MRPL47: variants seen among roughly 807,000 people sequenced by gnomAD.
The protein encoded by MRPL47 is large ribosomal subunit protein uL29m.
MRPL47 carries 31 observed loss-of-function variants against 34.0 expected under a neutral mutation model. The observed-to-expected ratio is 0.91, with a 90% CI of 0.68 to 1.23. The LOEUF (loss-of-function observed/expected upper bound fraction) is 1.23. Ranked by LOEUF, MRPL47 falls within the 50% of genes most tolerant of loss-of-function variation. The pLI, the probability that MRPL47 is intolerant of heterozygous loss-of-function variation, is 0.00. For missense variants in MRPL47, 328 were observed against 285.8 expected, an observed-to-expected ratio of 1.15 and a Z score of -1.07; for synonymous variants, 106 against 101.6, an observed-to-expected ratio of 1.04 and a Z score of -0.26.
At chr3:179,594,358 G>C (rs1434701078) in intron 4 of MRPL47, among the ~76,000 whole-genome samples, 1 of 152,212 alleles carries the variant, frequency 6.6e-6, no homozygotes, top group Non-Finnish European at 1.5e-5. Context: ...GAAAGGAATA[G>C]CAGTCCATCC....
intron 4 of MRPL47, among the ~76,000 whole-genome samples, chr3:179,595,018 C>A (rs1191032327): frequency 6.6e-6 from 1 of 152,136 alleles, no homozygotes; most frequent in Non-Finnish European, 1.5e-5. Flanking sequence ...ATGAAAGCCA[C>A]AAATTTAGAT....
At chr3:179,597,614 C>T (rs1718817388) in intron 4 of MRPL47, among the ~76,000 whole-genome samples, 1 of 152,092 alleles carries the variant, frequency 6.6e-6, no homozygotes, top group African/African-American at 2.4e-5. Context: ...CAAGACCAGC[C>T]TGGCCAACAT....
At chr3:179,594,300 T>G (rs1286547596) in intron 4 of MRPL47, among the ~76,000 whole-genome samples, 1 of 152,230 alleles carries the variant, frequency 6.6e-6, no homozygotes, top group Non-Finnish European at 1.5e-5. Context: ...GTCCTTGACA[T>G]GCAGACACAG....
intron 4 of MRPL47, among the ~76,000 whole-genome samples, chr3:179,595,485 G>C (rs1257335820): frequency 2.0e-5 from 3 of 152,148 alleles, no homozygotes; most frequent in Admixed American, 2.0e-4. Context: ...TGATGACTAA[G>C]ACAAATTCTA....
chr3:179,590,671 T>C lies in MRPL47; in HGVS notation c.630-1676A>G, dbSNP rs184659878. Reference sequence around the variant, plus strand: ...GTCCTGTAGACAAGAAGCTGTTGTATGTTTCTGAAAAGGCCTGATGTGATT... The same window carrying C: ...GTCCTGTAGACAAGAAGCTGTTGTACGTTTCTGAAAAGGCCTGATGTGATT... On this transcript the variant is annotated intron_variant, in intron 6 of 6. Transcript: ENST00000476781. 3.5e-3 allele frequency among the ~76,000 whole-genome samples: 535 copies of C among 150,872 alleles called. 4 individuals are homozygous for C. The highest frequency in any genetic ancestry group is 0.017 in the South Asian group (83 of 4,762).
chr3:179,604,389 C>T (rs983314468), intron 1 of MRPL47, 138 bp downstream of exon 1: 13 of 734,578 alleles, frequency 1.8e-5, no homozygotes, highest in Non-Finnish European at 2.7e-5. Context: ...GTCACTCACT[C>T]CTCACCAAAG....
chr3:179,590,696 TAAAA>T (rs1157157426), intron 6 of MRPL47, among the ~76,000 whole-genome samples: 2 of 129,082 alleles, frequency 1.5e-5, no homozygotes, highest in East Asian at 2.2e-4. Flanking sequence ...CTGATGTGAT[TAAAA>T]AAAAAAAAAA....
At chr3:179,596,085 T>C (rs1285274143) in intron 4 of MRPL47, among the ~76,000 whole-genome samples, 2 of 152,220 alleles carry the variant, frequency 1.3e-5, no homozygotes, top group Admixed American at 6.5e-5. Context: ...GAAGCACATA[T>C]AGTGAGGGTC....
chr3:179,595,896 C>T (rs1240027914), intron 4 of MRPL47, among the ~76,000 whole-genome samples: 2 of 152,198 alleles, frequency 1.3e-5, no homozygotes, highest in African/African-American at 4.8e-5. Context: ...CTTCTCTTTA[C>T]AGCCAAGAAT....
chr3:179,603,884 T>C (rs944334983), intron 1 of MRPL47, among the ~76,000 whole-genome samples: 2 of 151,904 alleles, frequency 1.3e-5, no homozygotes, highest in Non-Finnish European at 1.5e-5. Context: ...ACCAAAAATA[T>C]TTAGCCTAAA....
chr3:179,588,927 A>G lies in MRPL47; in HGVS notation c.698T>C (p.Ile233Thr). 6.2e-7 allele frequency: 1 copy of G among 1,613,742 alleles called. No individual in the cohort carries two copies. The highest frequency in any genetic ancestry group is 8.5e-7 in the Non-Finnish European group (1 of 1,179,814). Reference sequence around the variant, plus strand: ...AAGATGTGGAAACTTTTTTAAAAGAATTTTTGCTTTCTTTCTCTCTAAATT... The same window carrying G: ...AAGATGTGGAAACTTTTTTAAAAGAGTTTTTGCTTTCTTTCTCTCTAAATT... The part of the protein sequence containing the change: ...KENLERKKAK[I>T]LLKKFPHLAE... The change falls in exon 7 of 7, where the codon ATT becomes ACT. Residue 233 changes from isoleucine (I) to threonine (T), a missense_variant. Transcript: ENST00000476781.
intron 2 of MRPL47, among the ~76,000 whole-genome samples, chr3:179,602,402 A>G (rs1718946218): frequency 6.6e-6 from 1 of 152,068 alleles, no homozygotes; most frequent in South Asian, 2.1e-4. Flanking sequence ...AATAAGCCCT[A>G]AACCTTACTT....
At chr3:179,592,768 T>G (rs1170547766) in intron 5 of MRPL47, 29 bp from the exon 6 acceptor site, 1 of 1,432,554 alleles carries the variant, frequency 7.0e-7, no homozygotes, top group African/African-American at 1.4e-5. Flanking sequence ...GTTATTTGCC[T>G]TAAAGAAAAC....
At chr3:179,589,737 GATAACACGT>G (rs144278565) in intron 6 of MRPL47, among the ~76,000 whole-genome samples, 36 of 152,214 alleles carry the variant, frequency 2.4e-4, no homozygotes, top group South Asian at 4.2e-4. Context: ...AGAAAATTGA[GATAACACGT>G]ATTACAGCTG....
At chr3:179,594,246 C>T (rs1012196604) in intron 4 of MRPL47, among the ~76,000 whole-genome samples, 3 of 152,124 alleles carry the variant, frequency 2.0e-5, no homozygotes, top group African/African-American at 7.2e-5. Context: ...TTGCTATTTT[C>T]ATTATATTAA....
chr3:179,599,318 G>A (rs1336865096), intron 3 of MRPL47, among the ~76,000 whole-genome samples: 1 of 152,148 alleles, frequency 6.6e-6, no homozygotes, highest in East Asian at 1.9e-4. Flanking sequence ...GCTACAAAGA[G>A]GCATAAAACA....
chr3:179,600,747 G>A (rs1188985758), intron 3 of MRPL47, among the ~76,000 whole-genome samples: 2 of 152,146 alleles, frequency 1.3e-5, no homozygotes, highest in Non-Finnish European at 2.9e-5. Context: ...GCCGAGAAGT[G>A]GTGTGTCCCT....
At chr3:179,589,700 A>G (rs1306940518) in intron 6 of MRPL47, among the ~76,000 whole-genome samples, 1 of 152,194 alleles carries the variant, frequency 6.6e-6, no homozygotes, top group African/African-American at 2.4e-5. Flanking sequence ...AGACAATACA[A>G]TATGCCAGTG....
intron 6 of MRPL47, among the ~76,000 whole-genome samples, chr3:179,589,520 G>A (rs1460428698): frequency 6.6e-6 from 1 of 152,148 alleles, no homozygotes; most frequent in African/African-American, 2.4e-5. Flanking sequence ...TTGACCTGTA[G>A]GGTCAACTTG....
Sources: gnomAD v4.1 joint callset for allele counts (sites outside exome capture counted in the v4.1 genomes callset) on GRCh38, gnomAD v4.1.1 for gene constraint, MANE v1.5 for transcripts, NCBI Gene and HGNC (gene_info 2026-07-23, HGNC 2026-07-21) for gene names.